The following KLHL32 variants were observed in gnomAD, a reference collection of about 807,000 sequenced individuals.
The protein encoded by KLHL32 is kelch like family member 32, also known as kelch-like protein 32.
A neutral mutation model predicts 64.8 loss-of-function variants in KLHL32; 35 were observed. The observed-to-expected ratio is 0.54, with a 90% CI of 0.41 to 0.72. The LOEUF (loss-of-function observed/expected upper bound fraction) is 0.72. KLHL32 is among the 30% of genes least tolerant of loss of function. The pLI is 0.00. For synonymous variants in KLHL32, 259 were observed against 281.0 expected, an observed-to-expected ratio of 0.92 and a Z score of 0.78; for missense variants, 589 against 768.5, an observed-to-expected ratio of 0.77 and a Z score of 2.76.
intron 4 of KLHL32, among the ~76,000 whole-genome samples, chr6:97,049,484 C>T (rs1207878724): frequency 1.3e-5 from 2 of 150,002 alleles, no homozygotes; most frequent in Non-Finnish European, 2.9e-5. Context: ...TAATTTAAAA[C>T]TCATGAATCG....
At chr6:97,109,171 A>T (rs1796800166) in intron 6 of KLHL32, among the ~76,000 whole-genome samples, 1 of 152,206 alleles carries the variant, frequency 6.6e-6, no homozygotes, top group Non-Finnish European at 1.5e-5. Flanking sequence ...ACCCCCGTGT[A>T]ATTTGTGTAC....
At chr6:96,986,972 G>A (rs192609090) in intron 3 of KLHL32, among the ~76,000 whole-genome samples, 1 of 152,306 alleles carries the variant, frequency 6.6e-6, no homozygotes, top group East Asian at 1.9e-4. Context: ...CTCACGCTGG[G>A]AGCTGTAGAC....
At chr6:97,079,815 A>T (rs1792204623) in intron 5 of KLHL32, among the ~76,000 whole-genome samples, 1 of 152,192 alleles carries the variant, frequency 6.6e-6, no homozygotes, top group Non-Finnish European at 1.5e-5. Flanking sequence ...TTCTGAATAG[A>T]AACTAAATTT....
chr6:96,949,847 G>C (rs989913861), intron 1 of KLHL32, among the ~76,000 whole-genome samples: 1 of 152,016 alleles, frequency 6.6e-6, no homozygotes, highest in Non-Finnish European at 1.5e-5. Flanking sequence ...TAAATGGTTT[G>C]CCACTAATAA....
At chr6:97,003,071 A>G (rs940241168) in intron 3 of KLHL32, among the ~76,000 whole-genome samples, 2 of 152,222 alleles carry the variant, frequency 1.3e-5, no homozygotes, top group African/African-American at 4.8e-5. Flanking sequence ...AGAAATCGCC[A>G]AAGTTCTGTC....
chr6:97,083,787 G>A (rs1208383039), intron 5 of KLHL32, among the ~76,000 whole-genome samples: 1 of 152,056 alleles, frequency 6.6e-6, no homozygotes, highest in African/African-American at 2.4e-5. Flanking sequence ...AGTAATTTTT[G>A]TTTCCCATCC....
Position 96,924,958 on chromosome 6 carries a change from A to G in KLHL32, c.-134A>G, listed in dbSNP as rs1179883436. 1 of 152,310 alleles carries G rather than the reference A, an allele frequency of 6.6e-6. No individual in the cohort carries two copies. The highest frequency in any genetic ancestry group is 1.5e-5 in the Non-Finnish European group (1 of 68,104). 9.4% of individuals were successfully genotyped at this position (152,310 alleles called of 1,614,324 possible). On this transcript the variant is annotated 5_prime_UTR_variant, in exon 1 of 11. Coordinates refer to ENST00000369261, the MANE Select transcript of KLHL32 (RefSeq NM_052904.4). ...GTGGGGCGAAGCAGAGCCATTGTGC[A>G]TCAAGGAGAGGCCGGTGCCTGCGCT...
intron 3 of KLHL32, among the ~76,000 whole-genome samples, chr6:97,034,686 T>C (rs1933458): frequency 0.082 from 12,451 of 152,090 alleles, 1,064 homozygotes; most frequent in Admixed American, 0.22. Context: ...CCTTCACCAA[T>C]GTTTTATAAT....
intron 3 of KLHL32, 31 bp from the exon 4 acceptor site, chr6:97,041,461 A>G (rs759677208): frequency 1.0e-5 from 15 of 1,479,782 alleles, no homozygotes; most frequent in Middle Eastern, 1.7e-4. Flanking sequence ...TCAAAGTCTC[A>G]TAACTGTCTT....
the KLHL32 span, among the ~76,000 whole-genome samples, chr6:96,919,269 T>A: frequency 6.6e-6 from 1 of 152,196 alleles, no homozygotes; most frequent in South Asian, 2.1e-4. Flanking sequence ...AATAATCAAT[T>A]TCAGTTGCTT....
At chr6:96,998,737 T>A (rs1297993309) in intron 3 of KLHL32, among the ~76,000 whole-genome samples, 4 of 152,228 alleles carry the variant, frequency 2.6e-5, no homozygotes. Flanking sequence ...ACAACAGCAT[T>A]GCTAATTCTT....
chr6:96,967,973 G>A (rs1774653161), intron 2 of KLHL32, among the ~76,000 whole-genome samples: 1 of 152,134 alleles, frequency 6.6e-6, no homozygotes, highest in African/African-American at 2.4e-5. Flanking sequence ...TCCTCTGAGG[G>A]AACAGTCAAA....
intron 3 of KLHL32, among the ~76,000 whole-genome samples, chr6:97,017,163 T>A (rs1186715469): frequency 6.6e-6 from 1 of 152,182 alleles, no homozygotes; most frequent in Non-Finnish European, 1.5e-5. Context: ...GTTTTATAGA[T>A]GTTAATTTCA....
At chr6:97,114,616 A>G (rs1157294571) in intron 7 of KLHL32, 107 bp downstream of exon 7, 6 of 1,339,410 alleles carry the variant, frequency 4.5e-6, no homozygotes, top group Non-Finnish European at 6.3e-6. Context: ...AGATTGAACC[A>G]AGCATGCCAT....
intron 3 of KLHL32, among the ~76,000 whole-genome samples, chr6:96,978,237 C>T (rs568028576): frequency 2.0e-5 from 3 of 152,074 alleles, no homozygotes; most frequent in African/African-American, 7.2e-5. Flanking sequence ...ATTATTTCAT[C>T]ACCCAGGTAA....
chr6:97,109,802 C>G (rs1796879621), intron 6 of KLHL32, among the ~76,000 whole-genome samples: 1 of 152,124 alleles, frequency 6.6e-6, no homozygotes, highest in Non-Finnish European at 1.5e-5. Context: ...CCGGTAGTAT[C>G]TATGTGGATG....
chr6:96,922,194 C>T (rs1158125232), upstream of KLHL32, among the ~76,000 whole-genome samples: 1 of 152,156 alleles, frequency 6.6e-6, no homozygotes, highest in Non-Finnish European at 1.5e-5. Context: ...CACACTACCA[C>T]AACTGAGGGA....
At chr6:96,937,267 GC>G (rs1369263618) in intron 1 of KLHL32, among the ~76,000 whole-genome samples, 1 of 152,088 alleles carries the variant, frequency 6.6e-6, no homozygotes, top group African/African-American at 2.4e-5. Flanking sequence ...CCTCTGCTGT[GC>G]TTCTACATCT....
At chr6:97,058,295 A>G (rs1247562754) in intron 4 of KLHL32, among the ~76,000 whole-genome samples, 1 of 152,222 alleles carries the variant, frequency 6.6e-6, no homozygotes, top group Non-Finnish European at 1.5e-5. Flanking sequence ...GGGATTTTGA[A>G]TAAGATTACA....
Sources: allele counts gnomAD v4.1 joint callset (sites outside exome capture counted in the v4.1 genomes callset), GRCh38; gene constraint gnomAD v4.1.1; transcripts MANE v1.5; gene names NCBI Gene and HGNC (gene_info 2026-07-23, HGNC 2026-07-21).